COL6A5: variants seen among roughly 807,000 people sequenced by gnomAD.
The protein encoded by COL6A5 is collagen type VI alpha 5 chain.
COL6A5 carries 48 observed loss-of-function variants against 65.6 expected under a neutral mutation model. The ratio of observed to expected loss-of-function variants is 0.73; its 90% CI spans 0.58 to 0.93. The LOEUF (loss-of-function observed/expected upper bound fraction) is 0.93. COL6A5 is among the 40% of genes least tolerant of loss of function. The pLI is 0.00. For synonymous variants in COL6A5, 291 were observed against 322.8 expected (o/e 0.90, Z 1.05); for missense variants, 914 against 928.3 (o/e 0.98, Z 0.20).
exon 12 of COL6A5, chr3:130,401,838 G>T (rs1936828428): frequency 1.3e-6 from 2 of 1,551,144 alleles, no homozygotes; most frequent in Non-Finnish European, 1.7e-6. Flanking sequence ...GGGACCCGAG[G>T]ACTACAAGCC....
At chr3:130,409,136 C>T (rs542866569) in intron 17 of COL6A5, among the ~76,000 whole-genome samples, 190 bp from the exon 18 acceptor site, 119 of 152,202 alleles carry the variant, frequency 7.8e-4, no homozygotes, top group African/African-American at 1.9e-3. Context: ...TTCTGAGCCT[C>T]GCTACAAATA....
At chr3:130,405,919 C>A in intron 14 of COL6A5, 74 bp from the exon 15 acceptor site, 1 of 1,393,788 alleles carries the variant, frequency 7.2e-7, no homozygotes, top group Non-Finnish European at 1.0e-6. Flanking sequence ...CATGCTCACT[C>A]ACTTTAGAGA....
chr3:130,376,948 T>TACTTCAACA, intron 3 of COL6A5, 112 bp downstream of exon 3: 2 of 1,245,204 alleles, frequency 1.6e-6, no homozygotes, highest in South Asian at 1.7e-5. Context: ...TGTTGAAGTA[T>TACTTCAACA]TGGAAACTTC....
At chr3:130,407,438 T>C (rs1262954608) in intron 17 of COL6A5, among the ~76,000 whole-genome samples, 1 of 152,188 alleles carries the variant, frequency 6.6e-6, no homozygotes, top group Non-Finnish European at 1.5e-5. Flanking sequence ...TGCAGTAATG[T>C]GGACGATACT....
At chr3:130,484,077 T>A in exon 8 of COL6A5, 1 of 1,602,182 alleles carries the variant, frequency 6.2e-7, no homozygotes, top group Non-Finnish European at 8.5e-7. Flanking sequence ...AGAAGATAGC[T>A]CCACTGACAT....
rs771897736 is a variant in COL6A5 at position 130,389,129 on chromosome 3, T to C, written c.2411T>C (p.Leu804Pro). The C allele has an allele frequency of 6.7e-5, 96 of 1,425,604 alleles. No homozygotes were observed. The highest frequency in any genetic ancestry group is 1.8e-4 in the Middle Eastern group (1 of 5,464). The allele number at this position is 1,425,604 out of a possible 1,614,324, so 88.3% of individuals were successfully genotyped here. A position where few individuals can be genotyped will look rare whatever the true frequency, so the allele number is the denominator to read the frequency against. The change falls in exon 6 of 42, where the codon CTC becomes CCC. Residue 804 changes from leucine (L) to proline (P), a missense_variant and NMD_transcript_variant. Transcript: ENST00000312481. ...AAACTTATCTTTCGTGTGTGTGCTC[T>C]CCATGGTAAGTGTCCCTGTTATCTG...
intron 23 of COL6A5, among the ~76,000 whole-genome samples, chr3:130,416,302 A>G (rs1937334963): frequency 6.6e-6 from 1 of 152,150 alleles, no homozygotes; most frequent in Non-Finnish European, 1.5e-5. Flanking sequence ...GTGGTCAGTT[A>G]TCTTTCTGAT....
chr3:130,433,450 T>C (rs1430654574), intron 1 of COL6A5, among the ~76,000 whole-genome samples: 1 of 152,218 alleles, frequency 6.6e-6, no homozygotes, highest in Non-Finnish European at 1.5e-5. Flanking sequence ...CCCAGGAAGC[T>C]ATCTGGTTCT....
chr3:130,463,213 A>G (rs1709738466), intron 5 of COL6A5, among the ~76,000 whole-genome samples: 4 of 152,128 alleles, frequency 2.6e-5, no homozygotes, highest in Admixed American at 2.6e-4. Context: ...CTTGAAAAAT[A>G]TTAGCTACAG....
rs1936337159 is a variant in COL6A5, at chr3:130,390,003, C to A, written c.2416+869C>A. Among the ~76,000 whole-genome samples the A allele has an allele frequency of 8.5e-5, 13 of 152,252 alleles. No homozygotes were observed. The South Asian group carries it at 2.7e-3, about 32-fold the overall frequency. On this transcript the variant is annotated intron_variant and NMD_transcript_variant, in intron 6 of 41. Transcript: ENST00000312481. Reference sequence around the variant, plus strand: ...ATTATGCATGTGGAATTTTCAGAAACTTAACATAATGTCTTATAAACACTT... The same window carrying A: ...ATTATGCATGTGGAATTTTCAGAAAATTAACATAATGTCTTATAAACACTT...
At chr3:130,395,953 A>G (rs1936587812) in intron 8 of COL6A5, among the ~76,000 whole-genome samples, 1 of 152,190 alleles carries the variant, frequency 6.6e-6, no homozygotes, top group African/African-American at 2.4e-5. Flanking sequence ...GATTACATTC[A>G]TATAATCATA....
chr3:130,373,244 G>A (rs1213469965), intron 1 of COL6A5, among the ~76,000 whole-genome samples: 1 of 152,184 alleles, frequency 6.6e-6, no homozygotes, highest in African/African-American at 2.4e-5. Flanking sequence ...GTTAGGTGAT[G>A]CAATTGCTTC....
intron 4 of COL6A5, among the ~76,000 whole-genome samples, chr3:130,453,981 C>A (rs1219641758): frequency 2.0e-5 from 3 of 152,090 alleles, no homozygotes; most frequent in African/African-American, 7.2e-5. Context: ...AGCAGTGTTT[C>A]CCAACCTTGA....
intron 3 of COL6A5, among the ~76,000 whole-genome samples, 170 bp from the exon 4 acceptor site, chr3:130,379,248 G>A (rs903608423): frequency 1.3e-5 from 2 of 152,144 alleles, no homozygotes; most frequent in African/African-American, 4.8e-5. Context: ...CAACGACCTT[G>A]TAAGTCTTGT....
chr3:130,379,282 C>G (rs1230269478), intron 3 of COL6A5, 136 bp from the exon 4 acceptor site: 3 of 857,296 alleles, frequency 3.5e-6, no homozygotes. Context: ...TTTTTGTTCA[C>G]TAAAAGAAAA....
chr3:130,455,555 A>G, exon 5 of COL6A5: 1 of 1,612,746 alleles, frequency 6.2e-7, no homozygotes, highest in Non-Finnish European at 8.5e-7. Flanking sequence ...GACGGAAGAC[A>G]ATGGAAGTGA....
chr3:130,414,280 A>G, intron 22 of COL6A5, 149 bp downstream of exon 22: 1 of 663,312 alleles, frequency 1.5e-6, no homozygotes, highest in East Asian at 2.7e-5. Flanking sequence ...GGGTGATTTC[A>G]TTCCATCAAA....
At chr3:130,416,809 T>C in exon 24 of COL6A5, 2 of 1,513,940 alleles carry the variant, frequency 1.3e-6, no homozygotes, top group African/African-American at 2.8e-5. Flanking sequence ...CCTGGACTTT[T>C]GGGGAAAAAA....
intron 21 of COL6A5, 42 bp downstream of exon 21, chr3:130,413,622 C>A (rs1393620649): frequency 5.9e-6 from 9 of 1,534,440 alleles, no homozygotes; most frequent in Non-Finnish European, 8.0e-6. Context: ...TTGATGGGAC[C>A]AAGGAGGTTT....
Sources: allele counts gnomAD v4.1 joint callset (sites outside exome capture counted in the v4.1 genomes callset), GRCh38; gene constraint gnomAD v4.1.1; transcripts MANE v1.5; gene names NCBI Gene and HGNC (gene_info 2026-07-23, HGNC 2026-07-21).